Variants in ADAM20 observed in about 807,000 individuals in gnomAD.
ADAM20 encodes disintegrin and metalloproteinase domain-containing protein 20.
For synonymous variants in ADAM20, 305 were observed against 310.2 expected (o/e 0.98, Z 0.18); for missense variants, 871 against 883.2 (o/e 0.99, Z 0.18).
chr14:70,546,520 A>C, the ADAM20 span, among the ~76,000 whole-genome samples: 1 of 152,146 alleles, frequency 6.6e-6, no homozygotes, highest in Non-Finnish European at 1.5e-5. Flanking sequence ...CATTCTTTTG[A>C]GTTTCTGACA....
the ADAM20 span, among the ~76,000 whole-genome samples, chr14:70,544,859 G>A: frequency 6.6e-6 from 1 of 151,958 alleles, no homozygotes; most frequent in African/African-American, 2.4e-5. Context: ...ATTAATAGAT[G>A]TTTAAATTTT....
the ADAM20 span, chr14:70,547,351 G>C: frequency 6.5e-6 from 1 of 152,944 alleles, no homozygotes; most frequent in Non-Finnish European, 1.4e-5. Flanking sequence ...CAGCGTGAGC[G>C]ACGCAGAAGA....
At chr14:70,558,130 T>C in the ADAM20 span, among the ~76,000 whole-genome samples, 1 of 152,196 alleles carries the variant, frequency 6.6e-6, no homozygotes, top group East Asian at 1.9e-4. Flanking sequence ...TATTGACAGG[T>C]ACAGCTTCCC....
At chr14:70,553,525 T>TAAAAAAAA in the ADAM20 span, among the ~76,000 whole-genome samples, 6 of 57,002 alleles carry the variant, frequency 1.1e-4, no homozygotes, top group South Asian at 6.0e-4. Context: ...GCAAAAATCC[T>TAAAAAAAA]AAAAAAAAAA....
chr14:70,562,403 G>T, the ADAM20 span, among the ~76,000 whole-genome samples: 39 of 152,330 alleles, frequency 2.6e-4, no homozygotes, highest in African/African-American at 8.9e-4. Context: ...TGTCTCAGAT[G>T]AGACTTTGGA....
At chr14:70,544,854 T>C in the ADAM20 span, among the ~76,000 whole-genome samples, 2 of 152,128 alleles carry the variant, frequency 1.3e-5, no homozygotes, top group African/African-American at 4.8e-5. Flanking sequence ...TCAACATTAA[T>C]AGATGTTTAA....
At chr14:70,573,732 G>A in the ADAM20 span, among the ~76,000 whole-genome samples, 5 of 152,114 alleles carry the variant, frequency 3.3e-5, no homozygotes, top group Admixed American at 6.5e-5. Flanking sequence ...GCACAGAGGT[G>A]GCTATTCTTA....
chr14:70,536,249 T>A (rs1251415878), upstream of ADAM20, among the ~76,000 whole-genome samples: 1 of 151,966 alleles, frequency 6.6e-6, no homozygotes, highest in African/African-American at 2.4e-5. Context: ...GTGGATCACC[T>A]GAGGTCAGGA....
At chr14:70,566,938 T>C in the ADAM20 span, among the ~76,000 whole-genome samples, 8 of 151,914 alleles carry the variant, frequency 5.3e-5, no homozygotes, top group Admixed American at 6.6e-5. Flanking sequence ...GCCAAGATCA[T>C]GCCATTGCAA....
At chr14:70,577,574 A>G in the ADAM20 span, among the ~76,000 whole-genome samples, 1 of 152,200 alleles carries the variant, frequency 6.6e-6, no homozygotes, top group Admixed American at 6.5e-5. Context: ...AATGGTTGGC[A>G]CAGAACTATA....
At chr14:70,571,309 C>T in the ADAM20 span, among the ~76,000 whole-genome samples, 16 of 152,310 alleles carry the variant, frequency 1.1e-4, no homozygotes, top group East Asian at 1.9e-3. Flanking sequence ...GTAATTGAAT[C>T]ATGGGGGTGG....
chr14:70,569,774 T>C, the ADAM20 span, among the ~76,000 whole-genome samples: 7 of 150,954 alleles, frequency 4.6e-5, no homozygotes, highest in African/African-American at 1.7e-4. Flanking sequence ...AGTACCCATA[T>C]TTATAAAACA....
intron 1 of ADAM20, among the ~76,000 whole-genome samples, chr14:70,532,192 A>C (rs1883726247): frequency 6.6e-6 from 1 of 152,108 alleles, no homozygotes; most frequent in Non-Finnish European, 1.5e-5. Context: ...GTATGAATAA[A>C]TGACCTCTGA....
At chr14:70,530,887 AAGAG>A (rs926478065) in intron 1 of ADAM20, among the ~76,000 whole-genome samples, 6 of 152,108 alleles carry the variant, frequency 3.9e-5, no homozygotes, top group Admixed American at 1.3e-4. Flanking sequence ...AAAAAAAAAA[AAGAG>A]AGAGAGAAAT....
chr14:70,559,069 C>T, the ADAM20 span, among the ~76,000 whole-genome samples: 1 of 152,136 alleles, frequency 6.6e-6, no homozygotes, highest in African/African-American at 2.4e-5. Context: ...AAATGTATAT[C>T]TCCTGCCTGG....
At chr14:70,549,284 G>A in the ADAM20 span, among the ~76,000 whole-genome samples, 1 of 69,184 alleles carries the variant, frequency 1.4e-5, no homozygotes, top group Admixed American at 1.8e-4. Context: ...ATCATGACAG[G>A]ATCAAATTCA....
Position 70,524,628 on chromosome 14 carries a change from TCAC to T in ADAM20, c.127_129del (p.Val43del). ...CCCCTGCTGATCACCTTCAAAGGGATCACCACTTCTGGAGAAGTGAAATACTGG... is the reference window on the plus strand; with the variant it reads ...CCCCTGCTGATCACCTTCAAAGGGATCACTTCTGGAGAAGTGAAATACTGG... On this transcript the variant is annotated inframe_deletion, in exon 2 of 2. Transcript: ENST00000256389. 1.2e-6 allele frequency: 2 copies of T among 1,613,964 alleles called. No homozygotes were observed. Among genetic ancestry groups the T allele is most frequent in the Non-Finnish European group, 1.7e-6 (2 of 1,179,948 alleles).
Position 70,522,957 on chromosome 14 carries a change from C to T in ADAM20, c.1801G>A (p.Ala601Thr). The T allele has an allele frequency of 6.2e-7, 1 of 1,614,016 alleles. No homozygotes were observed. The highest frequency in any genetic ancestry group is 1.3e-5 in the African/African-American group (1 of 75,008). The change falls in exon 2 of 2, where the codon GCT becomes ACT. Residue 601 changes from alanine (A) to threonine (T), a missense_variant. Physicochemically the swap from Ala to Thr is moderately conservative, Grantham distance 58 (BLOSUM62 0). Coordinates refer to ENST00000256389, the MANE Select transcript of ADAM20 (RefSeq NM_003814.5). Reference protein sequence around the residue: ...CWGTDYHLGMAIPDIGEVKDG... With the variant: ...CWGTDYHLGMTIPDIGEVKDG... Reference sequence around the variant, plus strand: ...TTCACCTCACCAATATCAGGTATAGCCATCCCTAAATGATAATCAGTGCCC... The same window carrying T: ...TTCACCTCACCAATATCAGGTATAGTCATCCCTAAATGATAATCAGTGCCC...
chr14:70,569,310 C>A, the ADAM20 span, among the ~76,000 whole-genome samples: 2 of 152,112 alleles, frequency 1.3e-5, no homozygotes. Context: ...GATACTGCTA[C>A]CATAAAACAA....
Sources: allele counts gnomAD v4.1 joint callset (sites outside exome capture counted in the v4.1 genomes callset), GRCh38; gene constraint gnomAD v4.1.1; transcripts MANE v1.5; gene names NCBI Gene and HGNC (gene_info 2026-07-23, HGNC 2026-07-21).